LARGE1: variants seen among roughly 807,000 people sequenced by gnomAD.
LARGE1 encodes the protein LARGE xylosyl- and glucuronyltransferase 1.
In LARGE1, 43 loss-of-function variants were observed where a neutral mutation model predicts 87.6. That is an observed-to-expected ratio of 0.49 (90% confidence interval 0.38 to 0.63). LARGE1 has a LOEUF of 0.63. Among genes scored for constraint, LARGE1 ranks in the 30% least tolerant of loss-of-function variants. The probability of loss-of-function intolerance (pLI) is 0.00; values close to 1 mark genes in which losing one functional copy is unlikely to be tolerated. For synonymous variants in LARGE1, 434 were observed against 394.6 expected, an observed-to-expected ratio of 1.10 and a Z score of -1.18; for missense variants, 802 against 1,000.2, an observed-to-expected ratio of 0.80 and a Z score of 2.67.
chr22:33,111,323 C>T, the LARGE1 span, among the ~76,000 whole-genome samples: 5 of 152,216 alleles, frequency 3.3e-5, no homozygotes, highest in African/African-American at 4.8e-5. Flanking sequence ...ACTCTGACTC[C>T]GTAGGACTGG....
At chr22:33,144,705 A>C in the LARGE1 span, among the ~76,000 whole-genome samples, 2 of 152,172 alleles carry the variant, frequency 1.3e-5, no homozygotes, top group African/African-American at 4.8e-5. Context: ...TGGCTAATTC[A>C]GTGTTTGGTA....
chr22:33,632,506 T>A (rs780691125), intron 3 of LARGE1, among the ~76,000 whole-genome samples: 3 of 151,724 alleles, frequency 2.0e-5, no homozygotes, highest in Non-Finnish European at 4.4e-5. Context: ...GAGGCACCAG[T>A]GGGGGTCTCA....
At chr22:33,691,737 C>T (rs898041331) in intron 2 of LARGE1, among the ~76,000 whole-genome samples, 8 of 152,140 alleles carry the variant, frequency 5.3e-5, no homozygotes, top group Admixed American at 6.5e-5. Flanking sequence ...CTCTTCCTAC[C>T]GTCTGGGTCA....
In LARGE1 at chr22:33,434,541, C is replaced by T. The variant is rs1031516491; in HGVS notation, c.788-2276G>A. On this transcript the variant is annotated intron_variant, in intron 6 of 14. Transcript: ENST00000397394. ...GTCTCGATCTCCTGACCTTGTGATC[C>T]GCCTGCCTCGGCCTCCCAAAGTGCT... 7.2e-5 allele frequency among the ~76,000 whole-genome samples: 11 copies of T among 152,264 alleles called. No homozygotes were observed. In the South Asian group the frequency reaches 1.0e-3, roughly 14 times the overall value.
chr22:33,341,267 C>T (rs1358398206), intron 9 of LARGE1, among the ~76,000 whole-genome samples: 1 of 151,974 alleles, frequency 6.6e-6, no homozygotes, highest in South Asian at 2.1e-4. Context: ...AAAGGCATGC[C>T]CTCACCAGAC....
At chr22:33,584,206 G>T (rs977681356) in intron 5 of LARGE1, among the ~76,000 whole-genome samples, 3 of 152,178 alleles carry the variant, frequency 2.0e-5, no homozygotes, top group African/African-American at 7.2e-5. Context: ...TTGGGAAAAA[G>T]TATTCTCTTC....
At chr22:33,310,897 C>G (rs563367251) in intron 11 of LARGE1, among the ~76,000 whole-genome samples, 1 of 151,744 alleles carries the variant, frequency 6.6e-6, no homozygotes, top group Non-Finnish European at 1.5e-5. Context: ...TACGCTTGGG[C>G]TGTCCATGCT....
intron 2 of LARGE1, among the ~76,000 whole-genome samples, chr22:33,728,736 T>C (rs1038016881): frequency 6.6e-6 from 1 of 152,060 alleles, no homozygotes; most frequent in Non-Finnish European, 1.5e-5. Flanking sequence ...ACTTCCTCAC[T>C]AGCTACTAGA....
intron 10 of LARGE1, among the ~76,000 whole-genome samples, chr22:33,334,178 C>CG (rs370951313): frequency 1.3e-5 from 2 of 151,312 alleles, no homozygotes; most frequent in East Asian, 3.9e-4. Flanking sequence ...TTTGGGAGGC[C>CG]GAGGCAGGTG....
intron 9 of LARGE1, among the ~76,000 whole-genome samples, chr22:33,349,298 C>T (rs1307812178): frequency 6.6e-6 from 1 of 152,186 alleles, no homozygotes; most frequent in Non-Finnish European, 1.5e-5. Context: ...TTAGTATCTT[C>T]AGATACATAT....
intron 10 of LARGE1, among the ~76,000 whole-genome samples, chr22:33,331,688 G>A (rs989254667): frequency 4.6e-5 from 7 of 152,088 alleles, no homozygotes; most frequent in Non-Finnish European, 8.8e-5. Flanking sequence ...GATTACCGGC[G>A]TGAGCCACCG....
chr22:33,359,397 G>C (rs1230711599), intron 9 of LARGE1, among the ~76,000 whole-genome samples: 1 of 152,038 alleles, frequency 6.6e-6, no homozygotes, highest in African/African-American at 2.4e-5. Context: ...AAGATTAAGT[G>C]AGGTCATGCC....
intron 11 of LARGE1, among the ~76,000 whole-genome samples, chr22:33,233,466 C>T (rs1021563634): frequency 3.3e-5 from 5 of 152,104 alleles, no homozygotes; most frequent in African/African-American, 1.2e-4. Context: ...AGCTTTCACC[C>T]CATTCCTTCT....
chr22:33,728,496 G>A (rs1302844183), intron 2 of LARGE1, among the ~76,000 whole-genome samples: 3 of 131,608 alleles, frequency 2.3e-5, no homozygotes, highest in Admixed American at 9.7e-5. Flanking sequence ...CCAAGATCAC[G>A]CCACTGCACT....
chr22:33,440,003 CCTCT>C (rs1047929460), intron 6 of LARGE1, among the ~76,000 whole-genome samples: 1 of 151,884 alleles, frequency 6.6e-6, no homozygotes, highest in African/African-American at 2.4e-5. Flanking sequence ...ATGCTCTCCT[CCTCT>C]CTCTCTCTCC....
At chr22:33,743,539 C>A (rs1263005152) in intron 2 of LARGE1, among the ~76,000 whole-genome samples, 2 of 152,184 alleles carry the variant, frequency 1.3e-5, no homozygotes, top group Non-Finnish European at 2.9e-5. Context: ...ATCTCCATTG[C>A]CACTACCACC....
chr22:33,188,768 C>A (rs1172486585), intron 11 of LARGE1, among the ~76,000 whole-genome samples: 2 of 152,154 alleles, frequency 1.3e-5, no homozygotes, highest in East Asian at 3.9e-4. Context: ...CTCTGAACTA[C>A]CCTATATGAT....
At chr22:33,335,448 T>C (rs1187559754) in intron 10 of LARGE1, among the ~76,000 whole-genome samples, 1 of 152,124 alleles carries the variant, frequency 6.6e-6, no homozygotes, top group Non-Finnish European at 1.5e-5. Flanking sequence ...GTGACCAGGG[T>C]CATCCTGATA....
chr22:33,582,442 T>C (rs1411793050), intron 5 of LARGE1, among the ~76,000 whole-genome samples: 1 of 151,994 alleles, frequency 6.6e-6, no homozygotes, highest in Non-Finnish European at 1.5e-5. Context: ...TCAGAATCCT[T>C]AAAGAAAGAA....
Sources: gnomAD v4.1 joint callset for allele counts (sites outside exome capture counted in the v4.1 genomes callset) on GRCh38, gnomAD v4.1.1 for gene constraint, MANE v1.5 for transcripts, NCBI Gene and HGNC (gene_info 2026-07-23, HGNC 2026-07-21) for gene names.